DSG1: variants seen among roughly 807,000 people sequenced by gnomAD.
DSG1 encodes the protein desmoglein-1.
Under a neutral mutation model 97.5 loss-of-function variants are expected in DSG1, and 39 were observed. That is an observed-to-expected ratio of 0.40 (90% CI 0.31 to 0.52). The LOEUF is 0.52. DSG1 is among the 20% of genes least tolerant of loss of function. DSG1 has a pLI of 0.53. For missense variants in DSG1, 1,311 were observed against 1,295.4 expected (o/e 1.01, Z -0.18); for synonymous variants, 475 against 443.4 (o/e 1.07, Z -0.90).
At chr18:31,318,862 G>T (rs190023303) in intron 1 of DSG1, among the ~76,000 whole-genome samples, 5 of 151,984 alleles carry the variant, frequency 3.3e-5, no homozygotes, top group Admixed American at 6.6e-5. Context: ...TTGCATATTT[G>T]GTTAGAATCT....
At chr18:31,318,718 C>T (rs1298437712) in intron 1 of DSG1, among the ~76,000 whole-genome samples, 1 of 127,230 alleles carries the variant, frequency 7.9e-6, no homozygotes, top group Non-Finnish European at 1.8e-5. Flanking sequence ...GGATTTTTAA[C>T]CTGTTTTTTT....
rs771323370 is a variant in DSG1, at chr18:31,354,866, G to A, written c.2670G>A (p.Ser890=). 3.9e-5 allele frequency: 63 copies of A among 1,614,138 alleles called. No individual in the cohort carries two copies. The highest frequency in any genetic ancestry group is 1.6e-4 in the Middle Eastern group (1 of 6,062). The change falls in exon 15 of 15, where the codon TCG becomes TCA. Residue 890 remains serine (S), a synonymous_variant. Coordinates refer to ENST00000257192, the MANE Select transcript of DSG1 (RefSeq NM_001942.4). ...AGATGCCTGACTTGCGAGATGGGTC[G>A]AATGTTATAGTGACAGAAAGGGTAA... The part of the protein sequence containing the change: ...MLEMPDLRDG[S]NVIVTERVIA...
rs1241577741 is a variant in DSG1, at chr18:31,352,352, T to G, written c.2101-1945T>G. Among the ~76,000 whole-genome samples, 7 of 151,664 alleles carry G rather than the reference T, an allele frequency of 4.6e-5. No homozygotes were observed. The South Asian group carries it at 1.4e-3, about 31-fold the overall frequency. On this transcript the variant is annotated intron_variant, in intron 14 of 14. Transcript: ENST00000257192. ...GCTGAGAGATCTGCTGTTAGTCTGATGGGCTTCCCTTTGAGGGTAACCCGA... is the reference window on the plus strand; with the variant it reads ...GCTGAGAGATCTGCTGTTAGTCTGAGGGGCTTCCCTTTGAGGGTAACCCGA...
chr18:31,353,573 C>G (rs1300983095), intron 14 of DSG1, among the ~76,000 whole-genome samples: 5 of 152,326 alleles, frequency 3.3e-5, no homozygotes, highest in African/African-American at 1.2e-4. Flanking sequence ...CCCAGCCTCA[C>G]TGCCGCTTTG....
chr18:31,340,109 CG>C (rs1408493043), intron 11 of DSG1, 84 bp downstream of exon 11: 1 of 1,372,908 alleles, frequency 7.3e-7, no homozygotes, highest in Non-Finnish European at 1.0e-6. Context: ...TTTGATAAAA[CG>C]TATTTTACAA....
chr18:31,330,115 T>A, intron 5 of DSG1, 79 bp downstream of exon 5: 2 of 1,511,990 alleles, frequency 1.3e-6, no homozygotes, highest in South Asian at 2.3e-5. Context: ...AAAGTACACA[T>A]CATGAATGTA....
At chr18:31,352,813 A>G (rs1259761841) in intron 14 of DSG1, among the ~76,000 whole-genome samples, 1 of 144,812 alleles carries the variant, frequency 6.9e-6, no homozygotes, top group African/African-American at 2.8e-5. Flanking sequence ...CTTGGTTTTC[A>G]GCTCCATCAG....
intron 14 of DSG1, 151 bp downstream of exon 14, chr18:31,346,349 G>C: frequency 1.4e-6 from 1 of 733,212 alleles, no homozygotes; most frequent in Admixed American, 2.0e-5. Flanking sequence ...TGCTGTTAAT[G>C]AATTATATAT....
intron 11 of DSG1, among the ~76,000 whole-genome samples, chr18:31,342,396 T>C (rs1003331721): frequency 6.6e-6 from 1 of 152,134 alleles, no homozygotes; most frequent in Non-Finnish European, 1.5e-5. Context: ...TTTTTCTTTT[T>C]TCTTCTCTCC....
rs950332928 is a variant in DSG1 at position 31,334,026 on chromosome 18, G to A, written c.829G>A (p.Glu277Lys). The A allele has an allele frequency of 3.7e-6, 6 of 1,603,494 alleles. No individual in the cohort carries two copies. Among genetic ancestry groups the A allele is most frequent in the Non-Finnish European group, 5.1e-6 (6 of 1,170,984 alleles). ...PYMEQSSYTI[E>K]IQENTLNSNL... is the part of the protein sequence containing the mutation. The stretch of plus-strand genomic sequence containing the variant: ...TCACTTCTTGTTTCAGTATACCATA[G>A]AAATTCAAGAAAATACTCTAAATTC... The change falls in exon 8 of 15, where the codon GAA (glutamate) becomes AAA (lysine). Residue 277 changes from glutamate to lysine, a missense_variant. Coordinates refer to ENST00000257192, the MANE Select transcript of DSG1 (RefSeq NM_001942.4).
intron 14 of DSG1, among the ~76,000 whole-genome samples, chr18:31,348,477 T>C (rs2071862614): frequency 6.6e-6 from 1 of 151,160 alleles, no homozygotes; most frequent in East Asian, 1.9e-4. Flanking sequence ...CCTTTGGGTA[T>C]ATACCCAGTA....
chr18:31,346,791 G>A (rs1038039411), intron 14 of DSG1, among the ~76,000 whole-genome samples: 2 of 152,132 alleles, frequency 1.3e-5, no homozygotes, highest in Admixed American at 1.3e-4. Context: ...CCGTTTATAT[G>A]TCTACCACCA....
At chr18:31,338,543 A>C in intron 10 of DSG1, 89 bp downstream of exon 10, 1 of 1,447,074 alleles carries the variant, frequency 6.9e-7, no homozygotes, top group Non-Finnish European at 9.6e-7. Context: ...ATTTTGAAGT[A>C]ACCCCTTTCC....
intron 13 of DSG1, among the ~76,000 whole-genome samples, chr18:31,345,056 G>A (rs569074449): frequency 1.3e-5 from 2 of 152,212 alleles, no homozygotes; most frequent in Admixed American, 6.5e-5. Context: ...TTGACTCGTC[G>A]TATTCACTGA....
Position 31,335,543 on chromosome 18 carries a change from G to A in DSG1, c.1006-811G>A, listed in dbSNP as rs373882919. Among the ~76,000 whole-genome samples the A allele has an allele frequency of 2.9e-5, 4 of 139,476 alleles. No homozygotes were observed. In the South Asian group the frequency reaches 7.3e-4, roughly 25 times the overall value. The allele number at this position is 139,476 out of a possible 152,430, so 91.5% of individuals were successfully genotyped here. Reference sequence around the variant, plus strand: ...TATATATATATTATGTGTGTGTAATGTATATATACTTTTGATTTTACATCC... The same window carrying A: ...TATATATATATTATGTGTGTGTAATATATATATACTTTTGATTTTACATCC... On this transcript the variant is annotated intron_variant, in intron 8 of 14. Transcript: ENST00000257192.
chr18:31,339,287 TA>T (rs774086551), intron 10 of DSG1, among the ~76,000 whole-genome samples: 1 of 151,496 alleles, frequency 6.6e-6, no homozygotes, highest in South Asian at 2.1e-4. Context: ...TAGTTTAAAG[TA>T]AAAAAAATGG....
At position 31,358,581 on chromosome 18, in the gene DSG1, T is replaced by C. The variant is rs2071977843; in HGVS notation, c.*3235T>C. On this transcript the variant is annotated 3_prime_UTR_variant, in exon 15 of 15. Coordinates refer to ENST00000257192, the MANE Select transcript of DSG1 (RefSeq NM_001942.4). ...ATCTGGCAATTTATTTCTGAATTTA[T>C]ACCAATGTTTGATTGTCATGGTACA... Among the ~76,000 whole-genome samples, 1 of 152,100 alleles carries C rather than the reference T, an allele frequency of 6.6e-6. No homozygotes were observed. Among genetic ancestry groups the C allele is most frequent in the Non-Finnish European group, 1.5e-5 (1 of 67,942 alleles).
rs754639449 is a variant in DSG1 at position 31,354,956 on chromosome 18, G to T, written c.2760G>T (p.Val920=). 6 of 1,614,064 alleles carry T rather than the reference G, an allele frequency of 3.7e-6. No homozygotes were observed. In the African/African-American group the frequency reaches 8.0e-5, roughly 22 times the overall value. The change falls in exon 15 of 15, where the codon GTG becomes GTT. Residue 920 remains valine, a synonymous_variant. Coordinates refer to ENST00000257192, the MANE Select transcript of DSG1 (RefSeq NM_001942.4). ...ATCATCCTAGAGAGTCTTCAAATGT[G>T]GTAGTGACAGAAAGAGTAATCCAAC... ...TIHHPRESSN[V]VVTERVIQPT...
In DSG1 at chr18:31,354,783, G is replaced by T. The variant is rs1315158720; in HGVS notation, c.2587G>T (p.Val863Leu). The change falls in exon 15 of 15, where the codon GTA becomes TTA. Residue 863 changes from valine to leucine, a missense_variant. By Grantham distance (32) the Val-to-Leu change is conservative. Coordinates refer to ENST00000257192, the MANE Select transcript of DSG1 (RefSeq NM_001942.4). ...VHDNRPASNVVVTERVVGPIS... is the reference protein window; with the variant it reads ...VHDNRPASNVLVTERVVGPIS... ...CGATAACCGACCAGCATCAAACGTGGTAGTGACAGAGAGAGTGGTCGGCCC... is the reference window on the plus strand; with the variant it reads ...CGATAACCGACCAGCATCAAACGTGTTAGTGACAGAGAGAGTGGTCGGCCC... 1 of 1,614,156 alleles carries T rather than the reference G, an allele frequency of 6.2e-7. No homozygotes were observed. Among genetic ancestry groups the T allele is most frequent in the Admixed American group, 1.7e-5 (1 of 60,018 alleles).
Sources: gnomAD v4.1 joint callset for allele counts (sites outside exome capture counted in the v4.1 genomes callset) on GRCh38, gnomAD v4.1.1 for gene constraint, MANE v1.5 for transcripts, NCBI Gene and HGNC (gene_info 2026-07-23, HGNC 2026-07-21) for gene names.